The following KLRG1 variants were observed in gnomAD, a reference collection of about 807,000 sequenced individuals.
KLRG1 encodes killer cell lectin-like receptor subfamily G member 1.
A neutral mutation model predicts 21.8 loss-of-function variants in KLRG1; 16 were observed. That is an observed-to-expected ratio of 0.73 (90% confidence interval 0.50 to 1.11). KLRG1 has a LOEUF of 1.11. KLRG1 is among the 50% of genes most tolerant of loss of function. The pLI, the probability that KLRG1 is intolerant of heterozygous loss-of-function variation, is 0.00. For missense variants in KLRG1, 173 were observed against 218.3 expected (o/e 0.79, Z 1.31); for synonymous variants, 69 against 75.9 (o/e 0.91, Z 0.47).
chr12:9,041,416 C>T, the KLRG1 span, among the ~76,000 whole-genome samples: 1 of 152,154 alleles, frequency 6.6e-6, no homozygotes, highest in Non-Finnish European at 1.5e-5. Context: ...GTTTGACATG[C>T]GTATTTTGAT....
At chr12:8,965,103 A>G (rs758502930) in intron 1 of KLRG1, among the ~76,000 whole-genome samples, 13 of 152,368 alleles carry the variant, frequency 8.5e-5, no homozygotes, top group African/African-American at 3.1e-4. Context: ...TTATCTCAAT[A>G]GATGCAGAAA....
At chr12:9,169,172 G>A in the KLRG1 span, among the ~76,000 whole-genome samples, 2 of 97,396 alleles carry the variant, frequency 2.1e-5, no homozygotes, top group African/African-American at 3.1e-5. Flanking sequence ...TTATTTTTTG[G>A]TTTGCAAATA....
At chr12:9,039,471 C>CTT in the KLRG1 span, among the ~76,000 whole-genome samples, 1 of 151,946 alleles carries the variant, frequency 6.6e-6, no homozygotes, top group Non-Finnish European at 1.5e-5. Context: ...TTTTAAAAAA[C>CTT]TTTTTTTTCT....
chr12:9,088,676 A>C, the KLRG1 span, among the ~76,000 whole-genome samples: 2 of 152,156 alleles, frequency 1.3e-5, no homozygotes, highest in Non-Finnish European at 2.9e-5. Flanking sequence ...TTTTTCCTGT[A>C]AGTTTCTTCA....
chr12:9,165,496 G>A, the KLRG1 span: 9 of 1,004,660 alleles, frequency 9.0e-6, no homozygotes, highest in South Asian at 1.6e-5. Flanking sequence ...GTGTGCATTC[G>A]TGTGAACACT....
chr12:9,077,726 C>T, the KLRG1 span: 1 of 1,613,940 alleles, frequency 6.2e-7, no homozygotes, highest in East Asian at 2.2e-5. Context: ...GAGCAGTGAC[C>T]CAGAGCTCCT....
At chr12:9,026,508 T>C in the KLRG1 span, among the ~76,000 whole-genome samples, 10 of 152,210 alleles carry the variant, frequency 6.6e-5, no homozygotes, top group African/African-American at 1.2e-4. Flanking sequence ...TGGCTAATTA[T>C]TATTATTACT....
At chr12:9,157,001 G>A in the KLRG1 span, among the ~76,000 whole-genome samples, 15 of 152,066 alleles carry the variant, frequency 9.9e-5, no homozygotes, top group Non-Finnish European at 1.8e-4. Flanking sequence ...GGTGTGCCAT[G>A]GTGGTTTGCT....
the KLRG1 span, among the ~76,000 whole-genome samples, chr12:9,024,501 G>C: frequency 1.3e-5 from 2 of 151,928 alleles, no homozygotes; most frequent in Admixed American, 1.3e-4. Flanking sequence ...TGGTCCTGAG[G>C]GTTTTACTAC....
the KLRG1 span, among the ~76,000 whole-genome samples, chr12:9,127,577 G>C: frequency 6.6e-6 from 1 of 152,210 alleles, no homozygotes; most frequent in African/African-American, 2.4e-5. Flanking sequence ...GGGCTGGGCA[G>C]CGGCTCCGTG....
At chr12:9,011,617 G>A (rs1350835289), downstream of KLRG1, among the ~76,000 whole-genome samples, 2 of 152,162 alleles carry the variant, frequency 1.3e-5, no homozygotes, top group East Asian at 3.8e-4. Flanking sequence ...GAATACAAAT[G>A]GAACAATTAT....
the KLRG1 span, among the ~76,000 whole-genome samples, chr12:9,205,220 C>T: frequency 2.6e-5 from 4 of 151,948 alleles, no homozygotes; most frequent in Non-Finnish European, 5.9e-5. Flanking sequence ...TTGTGTAAGC[C>T]TCACATTCTG....
rs1015929462 is a variant in KLRG1 at position 8,992,076 on chromosome 12, A to G, written c.83-130A>G. 67 of 675,918 alleles carry G rather than the reference A, an allele frequency of 9.9e-5. 1 individual carries two copies. The African/African-American group carries it at 1.1e-3, about 11-fold the overall frequency. The allele number at this position is 675,918 out of a possible 1,614,324, so 41.9% of individuals were successfully genotyped here. On this transcript the variant is annotated intron_variant, in intron 1 of 4. Coordinates refer to ENST00000356986, the MANE Select transcript of KLRG1 (RefSeq NM_005810.4). ...AAGTTCCTGACACATCTAGAAAAGG[A>G]ATCTTTATGGCCTGGATCTCAGTTC...
At chr12:9,027,197 AAG>A in the KLRG1 span, among the ~76,000 whole-genome samples, 1 of 151,328 alleles carries the variant, frequency 6.6e-6, no homozygotes, top group Non-Finnish European at 1.5e-5. Flanking sequence ...TCTTTTTTAA[AAG>A]AGACGTTTAT....
the KLRG1 span, among the ~76,000 whole-genome samples, chr12:9,155,149 A>G: frequency 6.6e-6 from 1 of 152,186 alleles, no homozygotes; most frequent in Non-Finnish European, 1.5e-5. Flanking sequence ...ATTGTTCGTG[A>G]TATTTTCTGA....
At chr12:9,111,489 G>A in the KLRG1 span, 1 of 455,954 alleles carries the variant, frequency 2.2e-6, no homozygotes, top group East Asian at 7.0e-5. Flanking sequence ...CTAGCTTGCA[G>A]CAGTAGTTCA....
chr12:9,144,922 G>A, the KLRG1 span, among the ~76,000 whole-genome samples: 23 of 152,180 alleles, frequency 1.5e-4, no homozygotes, highest in Non-Finnish European at 8.8e-5. Context: ...GCCCTTTGGG[G>A]CAGTTTTTGA....
chr12:8,977,370 A>ATT lies in KLRG1; in HGVS notation c.-155-14818_-155-14817dup, dbSNP rs1229287155. On this transcript the variant is annotated intron_variant, in intron 1 of 4. Coordinates refer to the KLRG1 transcript ENST00000539240. ...AGGTGCCCACCACCATGCCTGGCTA[A>ATT]TTTTTTTTTTTTTTTTTTTATTTGT... Among the ~76,000 whole-genome samples, 642 of 127,764 alleles carry ATT rather than the reference A, an allele frequency of 5.0e-3. 11 individuals carry two copies. The highest frequency in any genetic ancestry group is 0.018 in the Middle Eastern group (4 of 218). The allele number at this position is 127,764 out of a possible 152,430, so 83.8% of individuals were successfully genotyped here.
intron 1 of KLRG1, among the ~76,000 whole-genome samples, chr12:8,961,023 TAGG>T (rs1946372692): frequency 7.8e-6 from 1 of 128,968 alleles, no homozygotes; most frequent in East Asian, 2.3e-4. Context: ...CTCAGCAAGT[TAGG>T]TTTCATTATT....
Sources: allele counts gnomAD v4.1 joint callset (sites outside exome capture counted in the v4.1 genomes callset), GRCh38; gene constraint gnomAD v4.1.1; transcripts MANE v1.5; gene names NCBI Gene and HGNC (gene_info 2026-07-23, HGNC 2026-07-21).